The following SVIL variants were observed in gnomAD, a reference collection of about 807,000 sequenced individuals.
SVIL encodes supervillin.
A neutral mutation model predicts 240.4 loss-of-function variants in SVIL; 101 were observed. The observed-to-expected ratio is 0.42, with a 90% CI of 0.36 to 0.50. The LOEUF (loss-of-function observed/expected upper bound fraction) is 0.50. SVIL is among the 20% of genes least tolerant of loss of function. SVIL has a pLI of 0.01. For synonymous variants in SVIL, 999 were observed against 1,100.0 expected, an observed-to-expected ratio of 0.91 and a Z score of 1.82; for missense variants, 2,512 against 2,818.7, an observed-to-expected ratio of 0.89 and a Z score of 2.46.
Position 29,471,192 on chromosome 10 carries a change from C to T in SVIL, c.5581G>A (p.Gly1861Arg), listed in dbSNP as rs376279808. ...CTCCCCGAGTGCACCACCATCCCCC[C>T]CTGGAAACACTGCAGGAAACAGGGG... ...EPPCFLQCFQ[G>R]GMVVHSGRRE... The change falls in exon 31 of 38, where the codon GGG (glycine) becomes AGG (arginine). Residue 1861 changes from glycine to arginine, a missense_variant. Gly to Arg is a moderately radical substitution (Grantham distance 125). Transcript: ENST00000355867. 8 of 1,613,920 alleles carry T rather than the reference C, an allele frequency of 5.0e-6. No homozygotes were observed. Among genetic ancestry groups the T allele is most frequent in the East Asian group, 4.5e-5 (2 of 44,864 alleles).
At chr10:29,489,390 A>G (rs1054769530) in intron 22 of SVIL, among the ~76,000 whole-genome samples, 3 of 152,232 alleles carry the variant, frequency 2.0e-5, no homozygotes, top group South Asian at 2.1e-4. Flanking sequence ...CAGAGGAAAC[A>G]TATGTAAAAT....
intron 1 of SVIL, among the ~76,000 whole-genome samples, chr10:29,604,063 A>C (rs1256404121): frequency 6.6e-6 from 1 of 152,176 alleles, no homozygotes; most frequent in Non-Finnish European, 1.5e-5. Context: ...CCCCATGTCC[A>C]TCGCTTCCTT....
At chr10:29,496,292 A>G (rs1948437325) in intron 18 of SVIL, 2 of 393,440 alleles carry the variant, frequency 5.1e-6, no homozygotes, top group Non-Finnish European at 1.0e-5. Flanking sequence ...ATTTGTTTCA[A>G]TTGCCAGAAC....
At chr10:29,571,927 C>T (rs1343480462) in intron 1 of SVIL, among the ~76,000 whole-genome samples, 1 of 152,274 alleles carries the variant, frequency 6.6e-6, no homozygotes, top group Non-Finnish European at 1.5e-5. Context: ...CACCACACCC[C>T]ACCTAGGAGC....
At chr10:29,462,173 T>C in intron 36 of SVIL, 104 bp downstream of exon 36, 1 of 1,399,850 alleles carries the variant, frequency 7.1e-7, no homozygotes, top group Non-Finnish European at 9.5e-7. Context: ...GGAAAAATAT[T>C]TTCCCACTCT....
Position 29,533,256 on chromosome 10 carries a change from C to A in SVIL, c.1111G>T (p.Ala371Ser), listed in dbSNP as rs550439701. The change falls in exon 8 of 38, where the codon GCA becomes TCA. Residue 371 changes from alanine to serine, a missense_variant. Physicochemically the swap from Ala to Ser is moderately conservative, Grantham distance 99. Coordinates refer to ENST00000355867, the MANE Select transcript of SVIL (RefSeq NM_021738.3). ...RQPIRGYVQPADTGHTAKLVT... is the reference protein window; with the variant it reads ...RQPIRGYVQPSDTGHTAKLVT... ...AGCTTGGCGGTGTGACCGGTATCTG[C>A]GGGTTGGACATAGCCACGGATTGGC... is the stretch of plus-strand genomic sequence containing the variant. 3 of 1,614,048 alleles carry A rather than the reference C, an allele frequency of 1.9e-6. No individual in the cohort carries two copies. The highest frequency in any genetic ancestry group is 3.3e-5 in the Admixed American group (2 of 60,002).
At chr10:29,520,726 G>A (rs780707909) in intron 16 of SVIL, among the ~76,000 whole-genome samples, 7 of 151,878 alleles carry the variant, frequency 4.6e-5, no homozygotes, top group African/African-American at 1.7e-4. Flanking sequence ...TGGGCAACAT[G>A]GTGAGACCTC....
At chr10:29,512,243 T>C (rs1429004660) in intron 17 of SVIL, among the ~76,000 whole-genome samples, 2 of 152,208 alleles carry the variant, frequency 1.3e-5, no homozygotes, top group African/African-American at 4.8e-5. Flanking sequence ...ACATTCTCAA[T>C]AAAAGGCATA....
chr10:29,639,420 C>T (rs901655727), upstream of SVIL, among the ~76,000 whole-genome samples: 1 of 151,108 alleles, frequency 6.6e-6, no homozygotes, highest in African/African-American at 2.4e-5. Flanking sequence ...CTGCTCACCT[C>T]AGCCTCCCAA....
chr10:29,610,448 ATTTTT>A (rs113668853), intron 1 of SVIL, among the ~76,000 whole-genome samples: 41,241 of 137,278 alleles, frequency 0.3, 5,849 homozygotes, highest in East Asian at 0.35. Context: ...TTCACTCTGC[ATTTTT>A]TTTTTTTTTT....
At chr10:29,504,249 T>C (rs1000418590) in intron 17 of SVIL, among the ~76,000 whole-genome samples, 5 of 152,120 alleles carry the variant, frequency 3.3e-5, no homozygotes, top group African/African-American at 7.2e-5. Flanking sequence ...TCCTAGAATA[T>C]TACATAGGAA....
chr10:29,661,841 T>C (rs1007981348), intron 2 of SVIL, among the ~76,000 whole-genome samples: 2 of 152,336 alleles, frequency 1.3e-5, no homozygotes, highest in South Asian at 4.1e-4. Flanking sequence ...TTCTTTCTTT[T>C]TTTTTGAGAT....
intron 2 of SVIL, among the ~76,000 whole-genome samples, chr10:29,677,871 G>A (rs924792147): frequency 4.6e-5 from 7 of 152,194 alleles, no homozygotes; most frequent in African/African-American, 1.7e-4. Flanking sequence ...ACATCTTAAT[G>A]TTCTACCTTC....
chr10:29,672,816 T>C (rs1959884833), intron 2 of SVIL, among the ~76,000 whole-genome samples: 1 of 152,014 alleles, frequency 6.6e-6, no homozygotes, highest in South Asian at 2.1e-4. Flanking sequence ...ATCTAGAATG[T>C]GGCTTCCTCT....
intron 3 of SVIL, among the ~76,000 whole-genome samples, chr10:29,559,279 C>G (rs1954232483): frequency 7.1e-6 from 1 of 140,802 alleles, no homozygotes; most frequent in African/African-American, 2.8e-5. Context: ...TAACATTTTA[C>G]TATATTGGGT....
At chr10:29,623,586 C>A (rs1957747510) in intron 1 of SVIL, among the ~76,000 whole-genome samples, 1 of 152,200 alleles carries the variant, frequency 6.6e-6, no homozygotes, top group Non-Finnish European at 1.5e-5. Context: ...CGCGGAGGCT[C>A]ACGCCTGTAA....
rs147665356 is a variant in SVIL, at chr10:29,629,703, C to T, written c.-201+4717G>A. 3.6e-5 allele frequency among the ~76,000 whole-genome samples: 5 copies of T among 139,012 alleles called. No homozygotes were observed. The East Asian group carries it at 5.8e-4, about 16-fold the overall frequency. 91.2% of individuals were successfully genotyped at this position (139,012 alleles called of 152,430 possible). A position where few individuals can be genotyped will look rare whatever the true frequency, so the allele number is the denominator to read the frequency against. Reference sequence around the variant, plus strand: ...GCTACTGTAAAAATTAGAGTCCGGGCGTGGTGGCTCACACCTGTAATCCCA... The same window carrying T: ...GCTACTGTAAAAATTAGAGTCCGGGTGTGGTGGCTCACACCTGTAATCCCA... On this transcript the variant is annotated intron_variant, in intron 1 of 37. Coordinates refer to ENST00000355867, the MANE Select transcript of SVIL (RefSeq NM_021738.3).
intron 6 of SVIL, among the ~76,000 whole-genome samples, chr10:29,541,820 G>A (rs775768499): frequency 5.3e-5 from 8 of 152,026 alleles, no homozygotes; most frequent in Non-Finnish European, 8.8e-5. Context: ...CTCAGTTCAC[G>A]ACGCTCCACA....
chr10:29,641,335 C>T (rs572430530), intron 3 of SVIL, among the ~76,000 whole-genome samples: 24 of 152,144 alleles, frequency 1.6e-4, no homozygotes, highest in Non-Finnish European at 3.2e-4. Context: ...CTTTGGAAGG[C>T]GGAGGTGGGA....
Sources: gnomAD v4.1 joint callset for allele counts (sites outside exome capture counted in the v4.1 genomes callset) on GRCh38, gnomAD v4.1.1 for gene constraint, MANE v1.5 for transcripts, NCBI Gene and HGNC (gene_info 2026-07-23, HGNC 2026-07-21) for gene names.